Variants in PHF21B observed in about 807,000 individuals in gnomAD.
PHF21B encodes PHD finger protein 4.
Under a neutral mutation model 62.2 loss-of-function variants are expected in PHF21B, and 22 were observed. The observed-to-expected ratio is 0.35, with a 90% confidence interval of 0.25 to 0.51. The LOEUF is 0.51. PHF21B is among the 20% of genes least tolerant of loss of function. The pLI is 0.97. For missense variants in PHF21B, 701 were observed against 707.9 expected (o/e 0.99, Z 0.11); for synonymous variants, 341 against 314.7 (o/e 1.08, Z -0.88).
chr22:44,995,879 C>T (rs559456644), intron 2 of PHF21B, among the ~76,000 whole-genome samples: 3 of 151,582 alleles, frequency 2.0e-5, no homozygotes, highest in Non-Finnish European at 4.4e-5. Context: ...CCATCTCCGC[C>T]GGGCCCCAGA....
intron 2 of PHF21B, among the ~76,000 whole-genome samples, chr22:44,921,152 C>T (rs971791832): frequency 3.3e-5 from 5 of 152,198 alleles, no homozygotes; most frequent in African/African-American, 1.2e-4. Flanking sequence ...CCCAGCCCCC[C>T]AATATGGGGG....
chr22:44,933,972 C>T (rs1369712963), intron 2 of PHF21B, among the ~76,000 whole-genome samples: 3 of 152,234 alleles, frequency 2.0e-5, no homozygotes, highest in African/African-American at 2.4e-5. Flanking sequence ...GCTCAGCAGT[C>T]GCTGCATTTC....
chr22:44,951,409 A>C (rs2072192050), intron 2 of PHF21B, among the ~76,000 whole-genome samples: 1 of 152,188 alleles, frequency 6.6e-6, no homozygotes, highest in Non-Finnish European at 1.5e-5. Flanking sequence ...GGCTGTAAAT[A>C]CAGATGAAGC....
At chr22:44,986,228 C>G (rs1276258499) in intron 2 of PHF21B, among the ~76,000 whole-genome samples, 1 of 151,654 alleles carries the variant, frequency 6.6e-6, no homozygotes, top group African/African-American at 2.4e-5. Flanking sequence ...TCACCATTAT[C>G]ACCATCATTA....
intron 2 of PHF21B, among the ~76,000 whole-genome samples, chr22:44,970,711 C>A (rs2072620964): frequency 6.6e-6 from 1 of 152,156 alleles, no homozygotes; most frequent in East Asian, 1.9e-4. Flanking sequence ...GAACCATGGT[C>A]CTGCCCCCTC....
chr22:44,891,501 G>T, intron 7 of PHF21B, 141 bp from the exon 8 acceptor site: 2 of 928,816 alleles, frequency 2.2e-6, no homozygotes, highest in South Asian at 1.5e-5. Context: ...CCCTGCCAGG[G>T]GCAGAAATAG....
At chr22:44,987,214 G>C (rs1049699435) in intron 2 of PHF21B, among the ~76,000 whole-genome samples, 2 of 152,184 alleles carry the variant, frequency 1.3e-5, no homozygotes, top group African/African-American at 4.8e-5. Context: ...CTGCTGAGGG[G>C]TGAATGAATA....
At chr22:44,930,285 G>A (rs1271555189) in intron 2 of PHF21B, among the ~76,000 whole-genome samples, 1 of 152,228 alleles carries the variant, frequency 6.6e-6, no homozygotes, top group Non-Finnish European at 1.5e-5. Context: ...GCTGGAGGAT[G>A]CCTATTGCCT....
At chr22:44,954,032 G>C (rs1021665505) in intron 2 of PHF21B, among the ~76,000 whole-genome samples, 1 of 152,228 alleles carries the variant, frequency 6.6e-6, no homozygotes, top group African/African-American at 2.4e-5. Context: ...CCGGCTCAGA[G>C]CAGACCCCCA....
At chr22:44,919,801 T>A (rs1452905545) in intron 3 of PHF21B, among the ~76,000 whole-genome samples, 1 of 152,204 alleles carries the variant, frequency 6.6e-6, no homozygotes, top group Non-Finnish European at 1.5e-5. Context: ...CAGCCACCAT[T>A]GGCTCAACCC....
chr22:44,915,725 A>T lies in PHF21B; in HGVS notation c.564+555T>A, dbSNP rs2071420237. 2.0e-5 allele frequency among the ~76,000 whole-genome samples: 3 copies of T among 152,352 alleles called. No individual in the cohort carries two copies. In the South Asian group the frequency reaches 6.2e-4, roughly 32 times the overall value. On this transcript the variant is annotated intron_variant, in intron 4 of 12. Coordinates refer to ENST00000313237, the MANE Select transcript of PHF21B (RefSeq NM_138415.5). ...GAACAGAGAGAAAGAGGCCACAGAC[A>T]GGGGACGGCAGAGATGAGGCAGCCC...
intron 2 of PHF21B, among the ~76,000 whole-genome samples, chr22:44,944,006 C>T (rs1364721816): frequency 6.6e-6 from 1 of 152,218 alleles, no homozygotes; most frequent in African/African-American, 2.4e-5. Flanking sequence ...GAAGGAACAG[C>T]GCTGGGCCTG....
chr22:44,966,484 C>G (rs1255308392), intron 2 of PHF21B, among the ~76,000 whole-genome samples: 1 of 152,202 alleles, frequency 6.6e-6, no homozygotes, highest in African/African-American at 2.4e-5. Flanking sequence ...TGTGAAAAGA[C>G]AGGCCCCAGC....
At position 44,961,535 on chromosome 22, in the gene PHF21B, A is replaced by G. The variant is rs145545577; in HGVS notation, c.121-41045T>C. 2.8e-3 allele frequency among the ~76,000 whole-genome samples: 418 copies of G among 151,900 alleles called. 2 individuals carry two copies. Among genetic ancestry groups the G allele is most frequent in the African/African-American group, 9.5e-3 (393 of 41,406 alleles). ...GTAATTGGTTTTCTGTTCCTGCTCT[A>G]TTTGCTTAGGATAATGGCCTACAGG... On this transcript the variant is annotated intron_variant, in intron 2 of 12. Transcript: ENST00000313237.
At chr22:44,985,649 C>T (rs1431312471) in intron 2 of PHF21B, among the ~76,000 whole-genome samples, 1 of 152,176 alleles carries the variant, frequency 6.6e-6, no homozygotes, top group Non-Finnish European at 1.5e-5. Flanking sequence ...AGTCTCTGTT[C>T]CCTCCACTGT....
chr22:44,925,758 A>G (rs552964071), intron 2 of PHF21B, among the ~76,000 whole-genome samples: 31 of 152,232 alleles, frequency 2.0e-4, no homozygotes, highest in African/African-American at 6.7e-4. Flanking sequence ...GCATGTCTCA[A>G]AGATGGGGGG....
chr22:44,912,328 G>A (rs1418796675), intron 5 of PHF21B, among the ~76,000 whole-genome samples: 1 of 151,932 alleles, frequency 6.6e-6, no homozygotes, highest in Admixed American at 6.5e-5. Context: ...GAAGACATGA[G>A]ATGTGGAAGG....
chr22:44,926,858 G>C (rs996716120), intron 2 of PHF21B, among the ~76,000 whole-genome samples: 2 of 152,160 alleles, frequency 1.3e-5, no homozygotes, highest in African/African-American at 4.8e-5. Flanking sequence ...GAGTGACCGT[G>C]TATCTGTGTC....
chr22:44,927,135 C>G (rs574841028), intron 2 of PHF21B, among the ~76,000 whole-genome samples: 45 of 152,060 alleles, frequency 3.0e-4, no homozygotes, highest in African/African-American at 1.1e-3. Context: ...GAGGCAGAAC[C>G]CCGAGAGAGA....
Sources: allele counts gnomAD v4.1 joint callset (sites outside exome capture counted in the v4.1 genomes callset), GRCh38; gene constraint gnomAD v4.1.1; transcripts MANE v1.5; gene names NCBI Gene and HGNC (gene_info 2026-07-23, HGNC 2026-07-21).